The following TTC7A variants were observed in gnomAD, a reference collection of about 807,000 sequenced individuals.
The protein encoded by TTC7A is tetratricopeptide repeat protein 7A.
Under a neutral mutation model 103.7 loss-of-function variants are expected in TTC7A, and 110 were observed. The observed-to-expected ratio is 1.06, with a 90% CI of 0.91 to 1.24. The LOEUF is 1.24. Among genes scored for constraint, TTC7A ranks in the 50% most tolerant of loss-of-function variants. The pLI is 0.00. For missense variants in TTC7A, 1,340 were observed against 1,116.3 expected, an observed-to-expected ratio of 1.20 and a Z score of -2.86; for synonymous variants, 521 against 467.9, an observed-to-expected ratio of 1.11 and a Z score of -1.47.
chr2:46,995,018 G>A (rs528748985), intron 7 of TTC7A, 118 bp from the exon 8 acceptor site: 3 of 885,996 alleles, frequency 3.4e-6, no homozygotes, highest in African/African-American at 3.3e-5. Flanking sequence ...AATTATGCAG[G>A]AAGAGGTCAC....
intron 19 of TTC7A, 49 bp from the exon 20 acceptor site, chr2:47,073,653 C>T (rs780896131): frequency 1.8e-5 from 28 of 1,561,410 alleles, no homozygotes; most frequent in East Asian, 2.2e-5. Context: ...GCCAAGATGC[C>T]TGTGCCATGG....
intron 5 of TTC7A, among the ~76,000 whole-genome samples, chr2:46,987,744 C>G (rs975572395): frequency 2.0e-5 from 3 of 152,082 alleles, no homozygotes; most frequent in Non-Finnish European, 2.9e-5. Context: ...GCTGTGTTTT[C>G]TAAGGGAGTT....
intron 15 of TTC7A, among the ~76,000 whole-genome samples, chr2:47,040,146 C>T (rs377009851): frequency 5.3e-5 from 8 of 152,184 alleles, no homozygotes; most frequent in East Asian, 3.9e-4. Flanking sequence ...AGCATCCTGA[C>T]GAGGGCATAA....
intron 8 of TTC7A, among the ~76,000 whole-genome samples, chr2:47,000,709 T>C (rs779523756): frequency 1.3e-5 from 2 of 152,064 alleles, no homozygotes; most frequent in African/African-American, 2.4e-5. Context: ...AGGAGACTTG[T>C]TTCTGGGGTA....
chr2:47,005,946 C>T lies in TTC7A; in HGVS notation c.1090C>T (p.Arg364Trp), dbSNP rs746226404. 13 of 1,613,996 alleles carry T rather than the reference C, an allele frequency of 8.1e-6. No individual in the cohort carries two copies. The highest frequency in any genetic ancestry group is 4.0e-5 in the African/African-American group (3 of 74,904). The change falls in exon 9 of 20, where the codon CGG becomes TGG. Residue 364 changes from arginine (R) to tryptophan (W), a missense_variant. Arg to Trp is a moderately radical substitution (Grantham distance 101, BLOSUM62 -3). Transcript: ENST00000319190. ...GGCAACTCGAGATGTGGTGCTGAGCCGGGTGCCGGAGCAGGAGGAGGACCG... is the reference window on the plus strand; with the variant it reads ...GGCAACTCGAGATGTGGTGCTGAGCTGGGTGCCGGAGCAGGAGGAGGACCG... ...SMATRDVVLS[R>W]VPEQEEDRTV...
intron 8 of TTC7A, among the ~76,000 whole-genome samples, chr2:46,997,413 G>A (rs986691893): frequency 9.2e-5 from 14 of 152,084 alleles, no homozygotes; most frequent in African/African-American, 3.1e-4. Context: ...GATTAGGTGC[G>A]CATTATGTTG....
rs764434930 is a variant in TTC7A, at chr2:47,060,929, G to A, written c.2313G>A (p.Ala771=). The change falls in exon 19 of 20, where the codon GCG becomes GCA. Residue 771 remains alanine (A), a synonymous_variant. Transcript: ENST00000319190. ...AGGCCAAGCAGCTGTACAAGGAGGCGCTCACGGTGAACCCAGATGGCGTGC... is the reference window on the plus strand; with the variant it reads ...AGGCCAAGCAGCTGTACAAGGAGGCACTCACGGTGAACCCAGATGGCGTGC... ...LEEAKQLYKE[A]LTVNPDGVRI... The A allele has an allele frequency of 1.7e-5, 28 of 1,613,872 alleles. No individual in the cohort carries two copies. The highest frequency in any genetic ancestry group is 2.2e-5 in the East Asian group (1 of 44,892).
chr2:46,996,847 A>G (rs1239486198), intron 8 of TTC7A, among the ~76,000 whole-genome samples: 1 of 152,172 alleles, frequency 6.6e-6, no homozygotes, highest in Non-Finnish European at 1.5e-5. Context: ...GTTTTGAAAT[A>G]TGGAACCCCA....
chr2:46,941,021 G>A (rs540155624), upstream of TTC7A, among the ~76,000 whole-genome samples: 37 of 151,192 alleles, frequency 2.4e-4, no homozygotes, highest in African/African-American at 8.6e-4. This position sits in a 1 kb window ranked among gnomAD's most constrained non-coding sequence, Gnocchi z 4.2. Flanking sequence ...CGGGATTAAA[G>A]TGAGCTCCGA....
At chr2:46,984,764 GGC>G (rs1292746494) in intron 5 of TTC7A, among the ~76,000 whole-genome samples, 5 of 152,208 alleles carry the variant, frequency 3.3e-5, no homozygotes, top group Non-Finnish European at 5.9e-5. Flanking sequence ...TAGTGAGGGA[GGC>G]TTGGAGAGGT....
At chr2:47,049,390 G>A (rs1335048750) in intron 16 of TTC7A, among the ~76,000 whole-genome samples, 1 of 152,010 alleles carries the variant, frequency 6.6e-6, no homozygotes, top group Non-Finnish European at 1.5e-5. Context: ...CTGGGAAATT[G>A]GGGACAAGGG....
In TTC7A at chr2:46,941,899, C is replaced by T; in HGVS notation, c.184+174C>T. 1 of 804,504 alleles carries T rather than the reference C, an allele frequency of 1.2e-6. No individual in the cohort carries two copies. Among genetic ancestry groups the T allele is most frequent in the South Asian group, 1.8e-5 (1 of 55,046 alleles). 49.8% of individuals were successfully genotyped at this position (804,504 alleles called of 1,614,324 possible). A position where few individuals can be genotyped will look rare whatever the true frequency, so the allele number is the denominator to read the frequency against. On this transcript the variant is annotated intron_variant, in intron 1 of 19. Coordinates refer to ENST00000319190, the MANE Select transcript of TTC7A (RefSeq NM_020458.4). The surrounding 1 kb of genome is among the most constrained non-coding windows in gnomAD (Gnocchi z 4.2). ...GGTCCTTCTGCCGCGAGAGAAAAATCACATGTGGTTTGGGGGCTTGGAGGG... is the reference window on the plus strand; with the variant it reads ...GGTCCTTCTGCCGCGAGAGAAAAATTACATGTGGTTTGGGGGCTTGGAGGG...
chr2:46,943,580 C>CA lies in TTC7A; in HGVS notation c.184+1864dup, dbSNP rs1050067866. The stretch of plus-strand genomic sequence containing the variant: ...TATGCACACACACAAACACGAGGAA[C>CA]AAAAAAAAATGCCTCCCAAAGCCCA... On this transcript the variant is annotated intron_variant, in intron 1 of 19. Transcript: ENST00000319190. Among the ~76,000 whole-genome samples, 201 of 151,134 alleles carry CA rather than the reference C, an allele frequency of 1.3e-3. 1 individual carries two copies. The highest frequency in any genetic ancestry group is 6.8e-3 in the Middle Eastern group (2 of 292).
chr2:47,070,540 G>A (rs1039703182), intron 19 of TTC7A, among the ~76,000 whole-genome samples: 1 of 152,192 alleles, frequency 6.6e-6, no homozygotes, highest in Non-Finnish European at 1.5e-5. Context: ...TCAGCCTGGG[G>A]AGGGGCAGGA....
At chr2:47,046,284 G>A (rs369389346) in intron 15 of TTC7A, 31 bp from the exon 16 acceptor site, 3 of 1,572,316 alleles carry the variant, frequency 1.9e-6, no homozygotes, top group Admixed American at 3.3e-5. Flanking sequence ...CCTTGCTGGG[G>A]TGTGCTGATG....
At position 47,073,811 on chromosome 2, in the gene TTC7A, T is replaced by A; in HGVS notation, c.2465T>A (p.Val822Glu). ...GAGGCGTGGCAGGGCCTGGGCGAGG[T>A]GCTGCAGGCCCAGGGCCAGAACGAG... ...CHEAWQGLGE[V>E]LQAQGQNEAA... Residue 822 changes from valine (V) to glutamate (E), a missense_variant, in exon 20 of 20, where the codon GTG becomes GAG. Physicochemically the swap from Val to Glu is moderately radical, Grantham distance 121. Transcript: ENST00000319190. The A allele has an allele frequency of 3.7e-6, 6 of 1,613,382 alleles. No homozygotes were observed. Among genetic ancestry groups the A allele is most frequent in the Non-Finnish European group, 5.1e-6 (6 of 1,179,938 alleles).
At chr2:47,024,839 T>TTAG (rs1449144551) in intron 14 of TTC7A, among the ~76,000 whole-genome samples, 1 of 152,128 alleles carries the variant, frequency 6.6e-6, no homozygotes, top group Non-Finnish European at 1.5e-5. Context: ...GCTGACTACC[T>TTAG]TAGCCCCAGG....
Position 46,993,510 on chromosome 2 carries a change from A to C in TTC7A, c.825A>C (p.Ala275=). 6.2e-7 allele frequency: 1 copy of C among 1,614,146 alleles called. No homozygotes were observed. Among genetic ancestry groups the C allele is most frequent in the South Asian group, 1.1e-5 (1 of 91,082 alleles). Residue 275 remains alanine, a synonymous_variant, in exon 6 of 20, where the codon GCA becomes GCC. Transcript: ENST00000319190. The part of the protein sequence containing the change: ...REVLRTVETK[A]TQNFKVMAAK... ...TGCTGCGGACTGTGGAGACCAAAGC[A>C]ACTCAGAACTTCAAAGTGGTAATGT...
At chr2:46,924,268 C>T (rs1669271608) in intron 2 of TTC7A, among the ~76,000 whole-genome samples, 2 of 151,454 alleles carry the variant, frequency 1.3e-5, no homozygotes, top group South Asian at 4.2e-4. Flanking sequence ...CCCTGTAAAC[C>T]AGTAAAACTG....
Sources: gnomAD v4.1 joint callset for allele counts (sites outside exome capture counted in the v4.1 genomes callset) on GRCh38, gnomAD v4.1.1 for gene constraint, Gnocchi (gnomAD v3.1) non-coding constraint, MANE v1.5 for transcripts, NCBI Gene and HGNC (gene_info 2026-07-23, HGNC 2026-07-21) for gene names.